The following AKAP12 variants were observed in gnomAD, a reference collection of about 807,000 sequenced individuals.
AKAP12 encodes A-kinase anchor protein 12.
Under a neutral mutation model 79.9 loss-of-function variants are expected in AKAP12, and 32 were observed. The ratio of observed to expected loss-of-function variants is 0.40; its 90% confidence interval spans 0.30 to 0.54. The LOEUF is 0.54. Among genes scored for constraint, AKAP12 ranks in the 20% least tolerant of loss-of-function variants. The probability of loss-of-function intolerance (pLI) is 0.48; values close to 1 mark genes in which losing one functional copy is unlikely to be tolerated. For missense variants in AKAP12, 2,074 were observed against 2,177.0 expected (o/e 0.95, Z 0.94); for synonymous variants, 808 against 857.0 (o/e 0.94, Z 1.00).
At chr6:151,344,093 T>C in intron 3 of AKAP12, 1 of 222,416 alleles carries the variant, frequency 4.5e-6, no homozygotes, top group South Asian at 5.6e-5. Flanking sequence ...CACAAATGTG[T>C]ATTTTATAAA....
At chr6:151,294,457 A>T (rs1271373050) in intron 2 of AKAP12, among the ~76,000 whole-genome samples, 1 of 152,238 alleles carries the variant, frequency 6.6e-6, no homozygotes, top group African/African-American at 2.4e-5. Context: ...GTTGTATCAG[A>T]GACTTGGTCT....
chr6:151,296,203 G>A (rs1768038981), intron 2 of AKAP12, among the ~76,000 whole-genome samples: 1 of 152,128 alleles, frequency 6.6e-6, no homozygotes, highest in African/African-American at 2.4e-5. Flanking sequence ...TCAGAGATAA[G>A]GGCTTCTTAT....
At position 151,353,110 on chromosome 6, in the gene AKAP12, G is replaced by T. The variant is rs140858206; in HGVS notation, c.4719G>T (p.Thr1573=). ...RTEETATEML[T]SELQTQAHVI... is the part of the protein sequence containing the mutation. ...AAGAAACAGCCACCGAAATGTTGACGTCTGAGTTACAGACACAAGCTCACG... is the reference window on the plus strand; with the variant it reads ...AAGAAACAGCCACCGAAATGTTGACTTCTGAGTTACAGACACAAGCTCACG... The change falls in exon 4 of 5, where the codon ACG becomes ACT. Residue 1573 remains threonine (T), a synonymous_variant. Coordinates refer to ENST00000402676, the MANE Select transcript of AKAP12 (RefSeq NM_005100.4). The T allele has an allele frequency of 2.0e-5, 32 of 1,614,070 alleles. No individual in the cohort carries two copies. In the African/African-American group the frequency reaches 3.9e-4, roughly 20 times the overall value.
At position 151,349,257 on chromosome 6, in the gene AKAP12, C is replaced by A; in HGVS notation, c.866C>A (p.Thr289Asn). ...GCAGAATCTCCGACTAGTCCCGTGA[C>A]CAGTGAAACAGGATCAACCTTCAAA... ...KSAESPTSPV[T>N]SETGSTFKKF... The change falls in exon 4 of 5, where the codon ACC (threonine) becomes AAC (asparagine). Residue 289 changes from threonine to asparagine, a missense_variant. This residue lies in a region of AKAP12 where 1,428 missense variants were observed against 1,451.0 expected (regional missense o/e 0.98). Coordinates refer to ENST00000402676, the MANE Select transcript of AKAP12 (RefSeq NM_005100.4). 6.2e-7 allele frequency: 1 copy of A among 1,613,472 alleles called. No individual in the cohort carries two copies. The highest frequency in any genetic ancestry group is 8.5e-7 in the Non-Finnish European group (1 of 1,179,892).
At position 151,332,496 on chromosome 6, in the gene AKAP12, A is replaced by G. The variant is rs72996080; in HGVS notation, c.320-16215A>G. On this transcript the variant is annotated intron_variant, in intron 3 of 4. Coordinates refer to ENST00000402676, the MANE Select transcript of AKAP12 (RefSeq NM_005100.4). ...CATATTGACCCTGTCTCACACAAGC[A>G]TGTGATTAGGTGTCTCCACCCAGAA... is the stretch of plus-strand genomic sequence containing the variant. Among the ~76,000 whole-genome samples the G allele has an allele frequency of 3.3e-3, 503 of 152,300 alleles. 4 individuals are homozygous for G. The highest frequency in any genetic ancestry group is 0.014 in the Middle Eastern group (4 of 294).
intron 2 of AKAP12, among the ~76,000 whole-genome samples, chr6:151,301,486 G>C (rs7739704): frequency 0.068 from 10,343 of 152,208 alleles, 633 homozygotes; most frequent in African/African-American, 0.15. Flanking sequence ...TCAGAAGTCC[G>C]TGAATTTTTA....
At chr6:151,300,790 C>T (rs142150237) in intron 2 of AKAP12, among the ~76,000 whole-genome samples, 2 of 151,904 alleles carry the variant, frequency 1.3e-5, no homozygotes, top group East Asian at 3.9e-4. Context: ...TCTGGCTGAC[C>T]CACTCAAAGG....
intron 2 of AKAP12, among the ~76,000 whole-genome samples, chr6:151,256,551 G>T (rs1797300912): frequency 6.6e-6 from 1 of 152,096 alleles, no homozygotes; most frequent in Admixed American, 6.6e-5. Flanking sequence ...TCTTTAGGAA[G>T]GGGAAAGGGT....
At position 151,352,068 on chromosome 6, in the gene AKAP12, G is replaced by C; in HGVS notation, c.3677G>C (p.Ser1226Thr). Residue 1226 changes from serine (S) to threonine (T), a missense_variant, in exon 4 of 5, where the codon AGT (serine) becomes ACT (threonine). Transcript: ENST00000402676. ...AAAGAGAGGCCTCCAGCACCTTCCA[G>C]TTTTGTGTTCCAGGAAGAAACTAAA... is the stretch of plus-strand genomic sequence containing the variant. ...AQKERPPAPS[S>T]FVFQEETKEQ... The C allele has an allele frequency of 6.2e-7, 1 of 1,614,160 alleles. No homozygotes were observed. The highest frequency in any genetic ancestry group is 8.5e-7 in the Non-Finnish European group (1 of 1,180,036).
At chr6:151,337,242 C>T (rs1295109208) in intron 3 of AKAP12, among the ~76,000 whole-genome samples, 1 of 152,014 alleles carries the variant, frequency 6.6e-6, no homozygotes, top group African/African-American at 2.4e-5. Flanking sequence ...CGGTGGCTCA[C>T]ACCTGTAATC....
chr6:151,327,102 A>G (rs1582883886), intron 3 of AKAP12, among the ~76,000 whole-genome samples: 1 of 145,496 alleles, frequency 6.9e-6, no homozygotes, highest in Non-Finnish European at 1.5e-5. Flanking sequence ...GACGTGAGCC[A>G]CCGCACCTGG....
intron 2 of AKAP12, among the ~76,000 whole-genome samples, chr6:151,289,924 A>T (rs542150238): frequency 1.3e-5 from 2 of 152,156 alleles, no homozygotes; most frequent in Non-Finnish European, 2.9e-5. Context: ...TTGGATTGTA[A>T]TTCTTTCCTC....
intron 3 of AKAP12, chr6:151,348,371 G>A (rs1562751472): frequency 2.1e-6 from 1 of 480,082 alleles, no homozygotes; most frequent in Admixed American, 2.3e-5. Context: ...AGGCACTATA[G>A]CTCACACTTG....
intron 3 of AKAP12, among the ~76,000 whole-genome samples, chr6:151,330,353 T>C (rs1043099842): frequency 4.6e-5 from 7 of 152,170 alleles, no homozygotes; most frequent in African/African-American, 1.7e-4. Flanking sequence ...CAGTATGGGA[T>C]CCTTGCTTTT....
Position 151,349,797 on chromosome 6 carries a change from C to T in AKAP12, c.1406C>T (p.Thr469Met), listed in dbSNP as rs760147220. The T allele has an allele frequency of 9.3e-6, 15 of 1,614,016 alleles. No homozygotes were observed. Among genetic ancestry groups the T allele is most frequent in the Middle Eastern group, 1.7e-4 (1 of 6,060 alleles). ...AAGGAGCTGGTGAAGCTCAAAGAAA[C>T]GTGTGTTTCCGGAGAGGACCCTACA... ...PAKELVKLKE[T>M]CVSGEDPTQG... Residue 469 changes from threonine to methionine, a missense_variant, in exon 4 of 5, where the codon ACG becomes ATG. Physicochemically the swap from Thr to Met is moderately conservative, Grantham distance 81. Transcript: ENST00000402676.
intron 2 of AKAP12, among the ~76,000 whole-genome samples, chr6:151,285,035 A>G (rs2114728841): frequency 6.6e-6 from 1 of 152,366 alleles, no homozygotes; most frequent in Admixed American, 6.5e-5. Flanking sequence ...CTGGACTGCA[A>G]GATTCAGGCA....
intron 3 of AKAP12, among the ~76,000 whole-genome samples, chr6:151,331,098 T>G (rs1370231055): frequency 6.6e-6 from 1 of 152,224 alleles, no homozygotes; most frequent in Non-Finnish European, 1.5e-5. Context: ...CACCTCAGTG[T>G]GAAACACTTC....
chr6:151,240,379 T>A lies in AKAP12; in HGVS notation c.-179-5T>A. The A allele has an allele frequency of 1.9e-6, 1 of 539,604 alleles. No individual in the cohort carries two copies. The highest frequency in any genetic ancestry group is 2.9e-6 in the Non-Finnish European group (1 of 345,860). 33.4% of individuals were successfully genotyped at this position (539,604 alleles called of 1,614,324 possible). A position where few individuals can be genotyped will look rare whatever the true frequency, so the allele number is the denominator to read the frequency against. ...GCCTTTTTTTTTTTTTCCTTTTCTT[T>A]TAAGGAGTTTGCCGCGAGCGCGTCT... On this transcript the variant is annotated splice_region_variant and splice_polypyrimidine_tract_variant and intron_variant, in intron 1 of 4. Coordinates refer to ENST00000402676, the MANE Select transcript of AKAP12 (RefSeq NM_005100.4).
At chr6:151,325,793 CT>C in intron 3 of AKAP12, 2 of 1,613,104 alleles carry the variant, frequency 1.2e-6, no homozygotes, top group Non-Finnish European at 1.7e-6. Flanking sequence ...AGGCAGGAGA[CT>C]AGGCGTCTGC....
Sources: gnomAD v4.1 joint callset for allele counts (sites outside exome capture counted in the v4.1 genomes callset) on GRCh38, gnomAD v4.1.1 for gene constraint, gnomAD v4.1.1 regional missense constraint, MANE v1.5 for transcripts, NCBI Gene and HGNC (gene_info 2026-07-23, HGNC 2026-07-21) for gene names.